VPS33A: variants seen among roughly 807,000 people sequenced by gnomAD.
VPS33A encodes vacuolar protein sorting-associated protein 33A.
A neutral mutation model predicts 71.8 loss-of-function variants in VPS33A; 32 were observed. The observed-to-expected ratio is 0.45, with a 90% CI of 0.34 to 0.60. The LOEUF is 0.60. Ranked by LOEUF, VPS33A falls within the 20% of genes least tolerant of loss-of-function variation. VPS33A has a pLI of 0.02. For missense variants in VPS33A, 625 were observed against 748.5 expected, an observed-to-expected ratio of 0.84 and a Z score of 1.92; for synonymous variants, 311 against 292.7, an observed-to-expected ratio of 1.06 and a Z score of -0.64.
intron 6 of VPS33A, chr12:122,248,025 T>TA (rs1313256797): frequency 1.3e-5 from 2 of 152,090 alleles, no homozygotes; most frequent in Non-Finnish European, 2.9e-5. Flanking sequence ...GCCTCCTGAG[T>TA]AGCTGGTACT....
In VPS33A at chr12:122,235,926, G is replaced by A; in HGVS notation, c.1303-3C>T. ...AATATGTGCTCATAGCCGTATGTCT[G>A]CAAGGGAAGTCATTTGGCCTTGATG... On this transcript the variant is annotated splice_polypyrimidine_tract_variant and splice_region_variant and intron_variant, in intron 10 of 12. Coordinates refer to ENST00000267199, the MANE Select transcript of VPS33A (RefSeq NM_022916.6). The A allele has an allele frequency of 6.3e-7, 1 of 1,597,022 alleles. No homozygotes were observed. Among genetic ancestry groups the A allele is most frequent in the Non-Finnish European group, 8.5e-7 (1 of 1,173,028 alleles).
In VPS33A at chr12:122,244,711, C is replaced by A. The variant is rs768775005; in HGVS notation, c.827G>T (p.Gly276Val). Residue 276 changes from glycine to valine, a missense_variant, in exon 7 of 13, where the codon GGT (glycine) becomes GTT (valine). Coordinates refer to ENST00000267199, the MANE Select transcript of VPS33A (RefSeq NM_022916.6). ...TGCTTCCGTGGGGAGGTCCTTACCA[C>A]CATCGCCCTGTTTCTTAGGTGCAAA... ...EKFAPKKQGD[G>V]GKDLPTEAKK... 6.2e-7 allele frequency: 1 copy of A among 1,614,096 alleles called. No homozygotes were observed. Among genetic ancestry groups the A allele is most frequent in the South Asian group, 1.1e-5 (1 of 91,074 alleles).
At chr12:122,262,852 T>C (rs888785868) in intron 3 of VPS33A, among the ~76,000 whole-genome samples, 3 of 152,032 alleles carry the variant, frequency 2.0e-5, no homozygotes, top group Admixed American at 6.6e-5. Flanking sequence ...GGGGGGTACA[T>C]AGCAGGCGCA....
In VPS33A at chr12:122,264,202, G is replaced by GT; in HGVS notation, c.103-4dup. ...AGGTATTCATCCCAAACTATTGCCT[G>GT]TAAGAGGGGAGAAACATTCTCTTAT... On this transcript the variant is annotated splice_polypyrimidine_tract_variant and splice_region_variant and intron_variant, in intron 1 of 12. Transcript: ENST00000267199. 1 of 1,532,406 alleles carries GT rather than the reference G, an allele frequency of 6.5e-7. No individual in the cohort carries two copies. Among genetic ancestry groups the GT allele is most frequent in the Non-Finnish European group, 8.9e-7 (1 of 1,125,362 alleles). 94.9% of individuals were successfully genotyped at this position (1,532,406 alleles called of 1,614,324 possible).
intron 3 of VPS33A, among the ~76,000 whole-genome samples, chr12:122,261,765 G>C (rs967696418): frequency 6.6e-6 from 1 of 152,160 alleles, no homozygotes; most frequent in Admixed American, 6.6e-5. Flanking sequence ...CACTTTGGGA[G>C]GCCGAGGCGA....
At position 122,244,707 on chromosome 12, in the gene VPS33A, A is replaced by G; in HGVS notation, c.831T>C (p.Gly277=). The change falls in exon 7 of 13, where the codon GGT becomes GGC. Residue 277 remains glycine, a synonymous_variant. Transcript: ENST00000267199. ...TCTTTGCTTCCGTGGGGAGGTCCTT[A>G]CCACCATCGCCCTGTTTCTTAGGTG... ...KFAPKKQGDG[G]KDLPTEAKKL... 4.3e-6 allele frequency: 7 copies of G among 1,614,080 alleles called. No individual in the cohort carries two copies. The highest frequency in any genetic ancestry group is 5.9e-6 in the Non-Finnish European group (7 of 1,180,010).
At chr12:122,248,060 C>CTGTATGTGTGTGTG (rs147581492) in intron 6 of VPS33A, 79 of 148,428 alleles carry the variant, frequency 5.3e-4, no homozygotes, top group African/African-American at 1.7e-3. Flanking sequence ...CCAAATCCAG[C>CTGTATGTGTGTGTG]TGTGTGTGTG....
At chr12:122,256,826 G>C (rs150814748) in intron 4 of VPS33A, among the ~76,000 whole-genome samples, 45 of 152,238 alleles carry the variant, frequency 3.0e-4, no homozygotes, top group African/African-American at 1.1e-3. Context: ...ACAGCGTAGA[G>C]AGGAAAAAAA....
chr12:122,238,797 A>C (rs1954667032), intron 9 of VPS33A, 73 bp from the exon 10 acceptor site: 2 of 1,284,648 alleles, frequency 1.6e-6, no homozygotes, highest in Non-Finnish European at 2.2e-6. Flanking sequence ...ACACACACAC[A>C]CACACACACA....
In VPS33A at chr12:122,241,756, C is replaced by G. The variant is rs935977248; in HGVS notation, c.1096+626G>C. Among the ~76,000 whole-genome samples, 4 of 152,116 alleles carry G rather than the reference C, an allele frequency of 2.6e-5. No individual in the cohort carries two copies. In the South Asian group the frequency reaches 8.3e-4, roughly 32 times the overall value. On this transcript the variant is annotated intron_variant, in intron 8 of 12. Transcript: ENST00000267199. ...TACAGGCATGTGCCACCATGCCCAG[C>G]TAATTTTTGTATTTTTAGTAGAGAC...
rs763170600 is a variant in VPS33A, at chr12:122,242,486, A to G, written c.992T>C (p.Val331Ala). The change falls in exon 8 of 13, where the codon GTG becomes GCG. Residue 331 changes from valine to alanine, a missense_variant. Val to Ala is a moderately conservative substitution (Grantham distance 64, BLOSUM62 0). Coordinates refer to ENST00000267199, the MANE Select transcript of VPS33A (RefSeq NM_022916.6). Reference protein sequence around the residue: ...AFEERHNAKTVGEIKQFVSQL... With the variant: ...AFEERHNAKTAGEIKQFVSQL... ...GGAAACAAACTGCTTGATCTCCCCC[A>G]CGGTCTTAGCATTGTGTCTTTCCTG... 1 of 1,613,904 alleles carries G rather than the reference A, an allele frequency of 6.2e-7. No individual in the cohort carries two copies. The highest frequency in any genetic ancestry group is 1.1e-5 in the South Asian group (1 of 91,072).
intron 7 of VPS33A, 47 bp from the exon 8 acceptor site, chr12:122,242,555 T>C (rs1954729893): frequency 6.4e-7 from 1 of 1,554,332 alleles, no homozygotes. Context: ...AGATAGTTTA[T>C]TTATTTTATT....
chr12:122,244,724 T>A lies in VPS33A; in HGVS notation c.814A>T (p.Lys272Ter). 1 of 1,614,000 alleles carries A rather than the reference T, an allele frequency of 6.2e-7. No individual in the cohort carries two copies. The highest frequency in any genetic ancestry group is 1.1e-5 in the South Asian group (1 of 91,062). ...AGGTCCTTACCACCATCGCCCTGTT[T>A]CTTAGGTGCAAATTTCTCTGGAGGT... is the stretch of plus-strand genomic sequence containing the variant. ...KLPPEKFAPKKQGDGGKDLPT... is the reference protein window; with the variant it reads ...KLPPEKFAPK Residue 272 changes from lysine to a stop codon, truncating the protein, a stop_gained, in exon 7 of 13, where the codon AAA (lysine) becomes TAA (stop). Transcript: ENST00000267199. LOFTEE classifies it high-confidence loss of function.
chr12:122,239,613 A>G (rs979918598), intron 9 of VPS33A, among the ~76,000 whole-genome samples: 1 of 152,050 alleles, frequency 6.6e-6, no homozygotes, highest in Non-Finnish European at 1.5e-5. Context: ...GAGCGCCTGT[A>G]GTCCCAGCTA....
intron 7 of VPS33A, 122 bp downstream of exon 7, chr12:122,244,447 T>A: frequency 1.2e-6 from 1 of 805,094 alleles, no homozygotes. Context: ...TTACTGAAGA[T>A]GAGAAAAGTT....
Position 122,266,295 on chromosome 12 carries a change from C to G in VPS33A, c.102+12G>C, listed in dbSNP as rs753704582. 4 of 1,608,778 alleles carry G rather than the reference C, an allele frequency of 2.5e-6. No individual in the cohort carries two copies. Among genetic ancestry groups the G allele is most frequent in the East Asian group, 2.2e-5 (1 of 44,844 alleles). ...GGAGGCGAGGGCGGTGTCGCTGCCTCCCGCCCCTCACCTTGCTTCCTGCGC... is the reference window on the plus strand; with the variant it reads ...GGAGGCGAGGGCGGTGTCGCTGCCTGCCGCCCCTCACCTTGCTTCCTGCGC... On this transcript the variant is annotated intron_variant, in intron 1 of 12. Coordinates refer to ENST00000267199, the MANE Select transcript of VPS33A (RefSeq NM_022916.6).
chr12:122,238,806 CAA>C, intron 9 of VPS33A, 82 bp from the exon 10 acceptor site: 1 of 1,084,746 alleles, frequency 9.2e-7, no homozygotes, highest in Non-Finnish European at 1.3e-6. Context: ...CACACACACA[CAA>C]TACATGGTTT....
At chr12:122,243,580 T>C (rs1031989769) in intron 7 of VPS33A, among the ~76,000 whole-genome samples, 5 of 152,162 alleles carry the variant, frequency 3.3e-5, no homozygotes, top group Admixed American at 2.0e-4. Context: ...AAAGCGAACA[T>C]AGCTTGGTGA....
At chr12:122,242,302 G>T in intron 8 of VPS33A, 80 bp downstream of exon 8, 1 of 1,541,500 alleles carries the variant, frequency 6.5e-7, no homozygotes, top group African/African-American at 1.4e-5. Flanking sequence ...AAGAGGCATT[G>T]TGGTGTTGAT....
Sources: allele counts gnomAD v4.1 joint callset (sites outside exome capture counted in the v4.1 genomes callset), GRCh38; gene constraint gnomAD v4.1.1; transcripts MANE v1.5; gene names NCBI Gene and HGNC (gene_info 2026-07-23, HGNC 2026-07-21).